Variants in MAP3K21 observed in about 807,000 individuals in gnomAD.
MAP3K21 encodes the protein mitogen-activated protein kinase kinase kinase 21, also known as mitogen-activated protein kinase kinase kinase MLK4.
A neutral mutation model predicts 86.1 loss-of-function variants in MAP3K21; 63 were observed. The observed-to-expected ratio is 0.73, with a 90% CI of 0.60 to 0.90. MAP3K21 has a LOEUF of 0.90. Ranked by LOEUF, MAP3K21 falls within the 40% of genes least tolerant of loss-of-function variation. The probability of loss-of-function intolerance (pLI) is 0.00; values close to 1 mark genes in which losing one functional copy is unlikely to be tolerated. For missense variants in MAP3K21, 1,220 were observed against 1,367.7 expected (o/e 0.89, Z 1.70); for synonymous variants, 558 against 564.8 (o/e 0.99, Z 0.17).
rs140523160 is a variant in MAP3K21, at chr1:233,382,433, C to T, written c.2833C>T (p.Arg945Cys). The change falls in exon 10 of 10, where the codon CGT (arginine) becomes TGT (cysteine). Residue 945 changes from arginine (R) to cysteine (C), a missense_variant. By Grantham distance (180) the Arg-to-Cys change is radical. This residue lies in a region of MAP3K21 where 632 missense variants were observed against 691.3 expected (regional missense o/e 0.91). Transcript: ENST00000366624. ...CAGCACTGTCCACATCGTGCCTCAG[C>T]GTCGCCCTGCCTCCCTGAGAAGCCG... ...KHSTVHIVPQ[R>C]RPASLRSRSD... The T allele has an allele frequency of 2.3e-5, 37 of 1,614,142 alleles. No homozygotes were observed. The highest frequency in any genetic ancestry group is 1.3e-4 in the African/African-American group (10 of 75,024).
intron 1 of MAP3K21, among the ~76,000 whole-genome samples, chr1:233,332,293 G>A (rs1238022398): frequency 6.6e-6 from 1 of 152,136 alleles, no homozygotes; most frequent in Non-Finnish European, 1.5e-5. Context: ...AGCATGGTAA[G>A]GGGTGGAGAG....
At chr1:233,332,774 G>A (rs1294302) in intron 1 of MAP3K21, among the ~76,000 whole-genome samples, 121,496 of 152,118 alleles carry the variant, frequency 0.8, 48,696 homozygotes, top group East Asian at 0.99. Context: ...CAAGATTGAA[G>A]TAAGATTATG....
chr1:233,328,018 C>T lies in MAP3K21; in HGVS notation c.-11C>T, dbSNP rs923629323. The T allele has an allele frequency of 1.8e-5, 23 of 1,269,574 alleles. No individual in the cohort carries two copies. Among genetic ancestry groups the T allele is most frequent in the South Asian group, 2.7e-5 (1 of 36,812 alleles). 78.6% of individuals were successfully genotyped at this position (1,269,574 alleles called of 1,614,324 possible). On this transcript the variant is annotated 5_prime_UTR_variant, in exon 1 of 10. Transcript: ENST00000366624. This position sits in a 1 kb window ranked among gnomAD's most constrained non-coding sequence, Gnocchi z 8.7. ...AGCTTCCCGCTCCGCCTTCCCCGCG[C>T]AGCTGCCCCCATGGCTTTGCGGGGC...
At chr1:233,357,391 C>T (rs868067540) in intron 4 of MAP3K21, among the ~76,000 whole-genome samples, 4 of 148,802 alleles carry the variant, frequency 2.7e-5, no homozygotes. Context: ...TACCCTAGAA[C>T]TTAAAGTATA....
At chr1:233,378,879 G>T in intron 8 of MAP3K21, 52 bp from the exon 9 acceptor site, 1 of 1,252,404 alleles carries the variant, frequency 8.0e-7, no homozygotes, top group South Asian at 1.5e-5. Flanking sequence ...TTGTTTAAAT[G>T]ACTTTTGCTG....
At chr1:233,352,748 A>G (rs148650720) in intron 2 of MAP3K21, among the ~76,000 whole-genome samples, 167 of 152,304 alleles carry the variant, frequency 1.1e-3, no homozygotes, top group African/African-American at 3.9e-3. Flanking sequence ...GTCTTTTGAC[A>G]AGACAGTGTT....
rs753079246 is a variant in MAP3K21, at chr1:233,354,869, C to T, written c.1169C>T (p.Ser390Leu). The change falls in exon 4 of 10, where the codon TCG (serine) becomes TTG (leucine). Residue 390 changes from serine to leucine, a missense_variant. By Grantham distance (145) the Ser-to-Leu change is moderately radical. Transcript: ENST00000366624. ...CWQQDPHIRP[S>L]FALILEQLTA... ...CAACAAGACCCTCATATTCGTCCAT[C>T]GTTTGCCTTAATTCTCGAACAGTTG... 19 of 1,613,856 alleles carry T rather than the reference C, an allele frequency of 1.2e-5. No homozygotes were observed. The highest frequency in any genetic ancestry group is 8.9e-5 in the East Asian group (4 of 44,876).
chr1:233,374,049 T>G (rs1663739045), intron 6 of MAP3K21: 1 of 152,192 alleles, frequency 6.6e-6, no homozygotes, highest in Non-Finnish European at 1.5e-5. Context: ...GCTTTTCCGG[T>G]TCTGCTGCCC....
rs566907248 is a variant in MAP3K21 at position 233,337,230 on chromosome 1, T to C, written c.805+8397T>C. ...TGTAGCCAAAAAAAATCCTTGACAA[T>C]ATGTAAACAAATGAATGTGGCAGTG... On this transcript the variant is annotated intron_variant, in intron 1 of 9. Transcript: ENST00000366624. Among the ~76,000 whole-genome samples the C allele has an allele frequency of 1.0e-3, 159 of 152,294 alleles. 1 individual carries two copies. Among genetic ancestry groups the C allele is most frequent in the African/African-American group, 3.6e-3 (148 of 41,560 alleles).
chr1:233,333,379 A>G (rs1191853030), intron 1 of MAP3K21, among the ~76,000 whole-genome samples: 3 of 152,180 alleles, frequency 2.0e-5, no homozygotes. Context: ...GAAAGATTAG[A>G]CTTTTAGAAG....
intron 8 of MAP3K21, among the ~76,000 whole-genome samples, chr1:233,378,436 C>T (rs531881030): frequency 6.6e-5 from 10 of 152,262 alleles, no homozygotes; most frequent in African/African-American, 2.4e-4. Flanking sequence ...TCTACAAATT[C>T]CCAGGGGATG....
At chr1:233,333,672 A>T (rs546735944) in intron 1 of MAP3K21, among the ~76,000 whole-genome samples, 74 of 152,316 alleles carry the variant, frequency 4.9e-4, no homozygotes, top group African/African-American at 1.7e-3. Context: ...AATTATGCAA[A>T]GTATCCGTAT....
Position 233,379,598 on chromosome 1 carries a change from C to A in MAP3K21, c.2592C>A (p.Asn864Lys). 1 of 1,614,186 alleles carries A rather than the reference C, an allele frequency of 6.2e-7. No individual in the cohort carries two copies. Among genetic ancestry groups the A allele is most frequent in the Non-Finnish European group, 8.5e-7 (1 of 1,180,028 alleles). Reference protein sequence around the residue: ...RLDTDCSVSRNLPSSFLQQTC... With the variant: ...RLDTDCSVSRKLPSSFLQQTC... ...ACACTGATTGTAGTGTATCAAGAAA[C>A]TTGCCGTCTTCCTTCCTACAGCAGA... The change falls in exon 9 of 10, where the codon AAC becomes AAA. Residue 864 changes from asparagine to lysine, a missense_variant. Coordinates refer to ENST00000366624, the MANE Select transcript of MAP3K21 (RefSeq NM_032435.3).
chr1:233,328,319 G>A lies in MAP3K21; in HGVS notation c.291G>A (p.Val97=). The change falls in exon 1 of 10, where the codon GTG becomes GTA. Residue 97 remains valine (V), a synonymous_variant. Coordinates refer to ENST00000366624, the MANE Select transcript of MAP3K21 (RefSeq NM_032435.3). The surrounding 1 kb of genome is among the most constrained non-coding windows in gnomAD (Gnocchi z 8.7). ...TCGGCATCTTCCCCGCCAACTACGT[G>A]GCTCCCTGCCGCCCGGCCGCCAGCC... ...RRLGIFPANY[V]APCRPAASPA... 1 of 1,477,162 alleles carries A rather than the reference G, an allele frequency of 6.8e-7. No individual in the cohort carries two copies. Among genetic ancestry groups the A allele is most frequent in the Non-Finnish European group, 8.9e-7 (1 of 1,122,194 alleles). 91.5% of individuals were successfully genotyped at this position (1,477,162 alleles called of 1,614,324 possible). A position where few individuals can be genotyped will look rare whatever the true frequency, so the allele number is the denominator to read the frequency against.
intron 5 of MAP3K21, among the ~76,000 whole-genome samples, chr1:233,369,474 C>T (rs942940463): frequency 6.6e-6 from 1 of 151,928 alleles, no homozygotes; most frequent in African/African-American, 2.4e-5. Context: ...AGGCTGAGAG[C>T]ACATGTGGAG....
rs757255932 is a variant in MAP3K21 at position 233,328,538 on chromosome 1, C to G, written c.510C>G (p.Arg170=). 1 of 1,531,902 alleles carries G rather than the reference C, an allele frequency of 6.5e-7. No individual in the cohort carries two copies. The highest frequency in any genetic ancestry group is 8.7e-7 in the Non-Finnish European group (1 of 1,150,446). 94.9% of individuals were successfully genotyped at this position (1,531,902 alleles called of 1,614,324 possible). ...CGGCGGCTGCCGAGAGCGTGCGGCG[C>G]GAGGCTCGGCTCTTCGCCATGCTGC... The part of the protein sequence containing the change: ...DAAAAAESVR[R]EARLFAMLRH... The change falls in exon 1 of 10, where the codon CGC becomes CGG. Residue 170 remains arginine (R), a synonymous_variant. Coordinates refer to ENST00000366624, the MANE Select transcript of MAP3K21 (RefSeq NM_032435.3). The surrounding 1 kb of genome is among the most constrained non-coding windows in gnomAD (Gnocchi z 8.7).
rs1294232 is a variant in MAP3K21 at position 233,383,531 on chromosome 1, A to G, written c.*820A>G. The stretch of plus-strand genomic sequence containing the variant: ...TCTTTAGGTTTTTCCTATAGAAAAC[A>G]TTCTTCCTCCATCAGTAGCCCTTTA... On this transcript the variant is annotated 3_prime_UTR_variant, in exon 10 of 10. Coordinates refer to ENST00000366624, the MANE Select transcript of MAP3K21 (RefSeq NM_032435.3). 0.44 allele frequency: 66,882 copies of G among 151,602 alleles called. 15,020 individuals carry two copies. The highest frequency in any genetic ancestry group is 0.52 in the African/African-American group (21,604 of 41,324). The allele number at this position is 151,602 out of a possible 1,614,324, so 9.4% of individuals were successfully genotyped here. A position where few individuals can be genotyped will look rare whatever the true frequency, so the allele number is the denominator to read the frequency against.
At chr1:233,358,117 ACT>A (rs532916247) in intron 4 of MAP3K21, among the ~76,000 whole-genome samples, 3 of 148,284 alleles carry the variant, frequency 2.0e-5, no homozygotes, top group Non-Finnish European at 4.5e-5. Context: ...GAGGCCTCTG[ACT>A]CTGTTACTCT....
Position 233,384,917 on chromosome 1 carries a change from A to T in MAP3K21, c.*2206A>T, listed in dbSNP as rs926367610. On this transcript the variant is annotated 3_prime_UTR_variant, in exon 10 of 10. Coordinates refer to ENST00000366624, the MANE Select transcript of MAP3K21 (RefSeq NM_032435.3). ...TGCTGCAATCTATTGTACATTTGCA[A>T]TTTTCTGTGTTAGTAAACTTAGCAG... The T allele has an allele frequency of 3.9e-5, 6 of 152,252 alleles. No individual in the cohort carries two copies. The South Asian group carries it at 1.2e-3, about 32-fold the overall frequency. 9.4% of individuals were successfully genotyped at this position (152,252 alleles called of 1,614,324 possible). A position where few individuals can be genotyped will look rare whatever the true frequency, so the allele number is the denominator to read the frequency against.
Sources: allele counts gnomAD v4.1 joint callset (sites outside exome capture counted in the v4.1 genomes callset), GRCh38; gene constraint gnomAD v4.1.1; regional missense constraint gnomAD v4.1.1; non-coding constraint Gnocchi (gnomAD v3.1); transcripts MANE v1.5; gene names NCBI Gene and HGNC (gene_info 2026-07-23, HGNC 2026-07-21).